SLC39A11: variants seen among roughly 807,000 people sequenced by gnomAD.
The protein encoded by SLC39A11 is zinc transporter ZIP11.
A neutral mutation model predicts 36.1 loss-of-function variants in SLC39A11; 33 were observed. The ratio of observed to expected loss-of-function variants is 0.91; its 90% CI spans 0.69 to 1.22. The LOEUF (loss-of-function observed/expected upper bound fraction) is 1.22, where lower values mean the gene tolerates loss of function less well. Ranked by LOEUF, SLC39A11 falls within the 50% of genes most tolerant of loss-of-function variation. SLC39A11 has a pLI of 0.00. For synonymous variants in SLC39A11, 166 were observed against 170.3 expected, an observed-to-expected ratio of 0.97 and a Z score of 0.20; for missense variants, 432 against 430.3, an observed-to-expected ratio of 1.00 and a Z score of -0.03.
chr17:72,773,678 C>CACACACACACACACACACA (rs58841287), intron 6 of SLC39A11, among the ~76,000 whole-genome samples: 2 of 148,860 alleles, frequency 1.3e-5, no homozygotes, highest in African/African-American at 5.1e-5. Flanking sequence ...CACACACACA[C>CACACACACACACACACACA]CCAGTATATA....
intron 3 of SLC39A11, among the ~76,000 whole-genome samples, chr17:73,078,872 TAAAAAC>T (rs936720853): frequency 6.6e-6 from 1 of 152,064 alleles, no homozygotes; most frequent in African/African-American, 2.4e-5. Context: ...ATTATCCACT[TAAAAAC>T]AGAATACATA....
chr17:73,032,971 A>G (rs1322961190), intron 3 of SLC39A11, among the ~76,000 whole-genome samples: 3 of 152,214 alleles, frequency 2.0e-5, no homozygotes, highest in Non-Finnish European at 4.4e-5. Context: ...GCGGTCCCCA[A>G]TCCTTTGGGC....
intron 4 of SLC39A11, among the ~76,000 whole-genome samples, chr17:73,010,331 CTCTTT>C (rs1209726201): frequency 1.3e-5 from 2 of 152,030 alleles, no homozygotes; most frequent in Non-Finnish European, 2.9e-5. Flanking sequence ...TCTTCTTTCC[CTCTTT>C]TCTTAGTCTT....
At chr17:72,841,310 A>T (rs2078797443) in intron 6 of SLC39A11, among the ~76,000 whole-genome samples, 1 of 152,244 alleles carries the variant, frequency 6.6e-6, no homozygotes, top group Non-Finnish European at 1.5e-5. Context: ...ATCCATCAAG[A>T]GTTGAATGAA....
intron 7 of SLC39A11, among the ~76,000 whole-genome samples, chr17:72,730,745 G>A (rs1361537054): frequency 2.0e-5 from 3 of 152,126 alleles, no homozygotes; most frequent in African/African-American, 7.2e-5. Context: ...CTGTAGCCTT[G>A]ACCTCTCAGG....
intron 4 of SLC39A11, among the ~76,000 whole-genome samples, chr17:72,957,814 G>A (rs1467254944): frequency 1.3e-5 from 1 of 76,010 alleles, no homozygotes; most frequent in Non-Finnish European, 3.3e-5. Flanking sequence ...GGGAGACCCT[G>A]TCTCAAAAAA....
intron 7 of SLC39A11, among the ~76,000 whole-genome samples, chr17:72,734,554 C>T (rs1330891447): frequency 2.0e-5 from 3 of 152,176 alleles, no homozygotes; most frequent in Non-Finnish European, 4.4e-5. Context: ...AGGATCCTGT[C>T]GAGGGCTTTT....
chr17:72,807,989 G>A (rs2077316323), intron 6 of SLC39A11, among the ~76,000 whole-genome samples: 2 of 152,140 alleles, frequency 1.3e-5, no homozygotes, highest in East Asian at 3.9e-4. Flanking sequence ...TCAGAATTGA[G>A]TTAAATTGTA....
At chr17:72,708,975 G>A (rs1172842888) in intron 7 of SLC39A11, among the ~76,000 whole-genome samples, 1 of 147,610 alleles carries the variant, frequency 6.8e-6, no homozygotes, top group Non-Finnish European at 1.5e-5. Flanking sequence ...TCGCGCTGTT[G>A]CCCAGGCTGG....
At chr17:72,835,874 G>GTAAAGCATT (rs1216988254) in intron 6 of SLC39A11, among the ~76,000 whole-genome samples, 10 of 152,218 alleles carry the variant, frequency 6.6e-5, no homozygotes, top group African/African-American at 2.4e-4. Context: ...TACCTACCTA[G>GTAAAGCATT]TAAAGCATTT....
intron 6 of SLC39A11, among the ~76,000 whole-genome samples, chr17:72,806,448 A>T (rs1055288141): frequency 1.3e-5 from 2 of 152,284 alleles, no homozygotes; most frequent in Admixed American, 1.3e-4. Flanking sequence ...TGGAAGCTCT[A>T]ACGATAGCAT....
At chr17:72,766,940 C>T (rs1166913441) in intron 6 of SLC39A11, among the ~76,000 whole-genome samples, 1 of 152,162 alleles carries the variant, frequency 6.6e-6, no homozygotes, top group Non-Finnish European at 1.5e-5. Context: ...TCCCCTCCAG[C>T]TGGAGAGATG....
At chr17:72,988,715 A>ATTTT (rs2088946284) in intron 4 of SLC39A11, among the ~76,000 whole-genome samples, 1 of 151,518 alleles carries the variant, frequency 6.6e-6, no homozygotes, top group South Asian at 2.1e-4. Context: ...TTATTTATTT[A>ATTTT]TTTTTATTTT....
At chr17:72,696,777 T>C (rs767581535) in intron 7 of SLC39A11, among the ~76,000 whole-genome samples, 1 of 152,234 alleles carries the variant, frequency 6.6e-6, no homozygotes, top group Non-Finnish European at 1.5e-5. Flanking sequence ...ATAAATCATA[T>C]TATAAAAAAA....
intron 3 of SLC39A11, among the ~76,000 whole-genome samples, chr17:73,081,631 A>G (rs1044462338): frequency 1.4e-5 from 1 of 71,956 alleles, no homozygotes; most frequent in Non-Finnish European, 2.7e-5. Context: ...ATATATATAC[A>G]TACACACACA....
At chr17:72,678,561 C>G (rs909859975) in intron 7 of SLC39A11, among the ~76,000 whole-genome samples, 1 of 151,972 alleles carries the variant, frequency 6.6e-6, no homozygotes, top group Non-Finnish European at 1.5e-5. Flanking sequence ...AAAAATTAGC[C>G]CGGCATGGTG....
chr17:73,055,806 C>A (rs748458700), intron 3 of SLC39A11, among the ~76,000 whole-genome samples: 128 of 152,218 alleles, frequency 8.4e-4, no homozygotes, highest in Middle Eastern at 6.8e-3. Flanking sequence ...CATAGGCAGC[C>A]AGCTGGTTCA....
chr17:72,732,618 T>C (rs1351368061), intron 7 of SLC39A11, among the ~76,000 whole-genome samples: 1 of 152,352 alleles, frequency 6.6e-6, no homozygotes, highest in Non-Finnish European at 1.5e-5. Flanking sequence ...CTATCTTTCC[T>C]GCGCAGCGGC....
chr17:72,908,873 T>A (rs2082808225), intron 5 of SLC39A11, among the ~76,000 whole-genome samples: 3 of 152,118 alleles, frequency 2.0e-5, no homozygotes, highest in Admixed American at 2.0e-4. Flanking sequence ...CAGAGAAGGT[T>A]CCAGATCTTA....
Sources: gnomAD v4.1 joint callset for allele counts (sites outside exome capture counted in the v4.1 genomes callset) on GRCh38, gnomAD v4.1.1 for gene constraint, MANE v1.5 for transcripts, NCBI Gene and HGNC (gene_info 2026-07-23, HGNC 2026-07-21) for gene names.